The following SLC35F3 variants were observed in gnomAD, a reference collection of about 807,000 sequenced individuals.
SLC35F3 encodes the protein putative thiamine transporter SLC35F3.
A neutral mutation model predicts 49.9 loss-of-function variants in SLC35F3; 25 were observed. The observed-to-expected ratio is 0.50, with a 90% CI of 0.37 to 0.70. The LOEUF (loss-of-function observed/expected upper bound fraction) is 0.70, where lower values mean the gene tolerates loss of function less well. Among genes scored for constraint, SLC35F3 ranks in the 30% least tolerant of loss-of-function variants. The pLI is 0.00. For synonymous variants in SLC35F3, 275 were observed against 265.4 expected (o/e 1.04, Z -0.35); for missense variants, 525 against 639.8 (o/e 0.82, Z 1.94).
At chr1:234,194,833 G>T (rs1411514555) in intron 2 of SLC35F3, among the ~76,000 whole-genome samples, 2 of 151,914 alleles carry the variant, frequency 1.3e-5, no homozygotes, top group Non-Finnish European at 2.9e-5. Flanking sequence ...TTCAAACATG[G>T]GTTTTTAACC....
intron 2 of SLC35F3, among the ~76,000 whole-genome samples, chr1:234,020,077 A>G (rs565237375): frequency 2.6e-5 from 4 of 151,052 alleles, no homozygotes; most frequent in Admixed American, 6.6e-5. Flanking sequence ...ATGAGACTCT[A>G]TGTTACTAGG....
chr1:234,262,474 C>T (rs949659960), intron 3 of SLC35F3, among the ~76,000 whole-genome samples: 6 of 152,314 alleles, frequency 3.9e-5, no homozygotes, highest in Middle Eastern at 3.4e-3. Flanking sequence ...GGTGTCTGTC[C>T]TGGGAGTGGT....
chr1:233,959,102 G>T (rs1038611826), intron 2 of SLC35F3, among the ~76,000 whole-genome samples: 1 of 152,086 alleles, frequency 6.6e-6, no homozygotes, highest in Non-Finnish European at 1.5e-5. Flanking sequence ...TATTTTAATC[G>T]CTTATGGAAT....
At chr1:234,296,314 T>C (rs1271921805) in intron 3 of SLC35F3, among the ~76,000 whole-genome samples, 1 of 151,390 alleles carries the variant, frequency 6.6e-6, no homozygotes, top group Non-Finnish European at 1.5e-5. Flanking sequence ...GTCTTTCTGC[T>C]TCAAAAAAAA....
intron 3 of SLC35F3, among the ~76,000 whole-genome samples, chr1:234,275,840 G>T (rs967897628): frequency 5.9e-5 from 9 of 151,664 alleles, no homozygotes; most frequent in Non-Finnish European, 1.3e-4. Flanking sequence ...ATTAATATGT[G>T]CCAGGTACTA....
chr1:234,297,907 T>C (rs1668630040), intron 3 of SLC35F3, among the ~76,000 whole-genome samples: 1 of 152,206 alleles, frequency 6.6e-6, no homozygotes, highest in Admixed American at 6.5e-5. Context: ...AGAGTGCCTA[T>C]AGCTACTCAT....
At chr1:234,036,079 T>A (rs1664137187) in intron 2 of SLC35F3, among the ~76,000 whole-genome samples, 1 of 152,130 alleles carries the variant, frequency 6.6e-6, no homozygotes, top group African/African-American at 2.4e-5. Flanking sequence ...TGGGTTTGTT[T>A]GTTCATTCAT....
chr1:234,206,506 G>GT (rs1345338732), intron 2 of SLC35F3, among the ~76,000 whole-genome samples: 2 of 129,978 alleles, frequency 1.5e-5, no homozygotes, highest in African/African-American at 5.6e-5. Flanking sequence ...CCCGGGGGGG[G>GT]GCTATTTCCA....
intron 2 of SLC35F3, among the ~76,000 whole-genome samples, chr1:234,004,443 A>G (rs2102834173): frequency 6.6e-6 from 1 of 152,278 alleles, no homozygotes; most frequent in African/African-American, 2.4e-5. Context: ...ATATAGATAT[A>G]AAAGTATTTT....
At position 234,316,672 on chromosome 1, in the gene SLC35F3, C is replaced by A; in HGVS notation, c.899C>A (p.Ser300Tyr). 1 of 1,613,366 alleles carries A rather than the reference C, an allele frequency of 6.2e-7. No individual in the cohort carries two copies. ...TACGCTGATGGCTTCCACAGCCACT[C>A]CGTCATCGGCATCGCACTGGTGGTG... is the stretch of plus-strand genomic sequence containing the variant. ...MTYADGFHSH[S>Y]VIGIALVVAS... Residue 300 changes from serine (S) to tyrosine (Y), a missense_variant, in exon 5 of 8, where the codon TCC becomes TAC. Transcript: ENST00000366618.
At chr1:234,081,711 CT>C (rs1395200561) in intron 2 of SLC35F3, among the ~76,000 whole-genome samples, 1 of 151,598 alleles carries the variant, frequency 6.6e-6, no homozygotes, top group Non-Finnish European at 1.5e-5. Context: ...GTGTGGACCC[CT>C]GGGGCAAGCT....
At chr1:234,295,624 G>C (rs563095967) in intron 3 of SLC35F3, among the ~76,000 whole-genome samples, 2 of 152,218 alleles carry the variant, frequency 1.3e-5, no homozygotes, top group African/African-American at 4.8e-5. Context: ...AATGTGGTGT[G>C]GGGGTACAAA....
intron 2 of SLC35F3, among the ~76,000 whole-genome samples, chr1:234,044,900 G>A (rs532439139): frequency 6.6e-6 from 1 of 152,116 alleles, no homozygotes; most frequent in African/African-American, 2.4e-5. Context: ...GAGAGTCAGA[G>A]CCCAGTCTCT....
rs1558240416 is a variant in SLC35F3 at position 234,140,664 on chromosome 1, CAGG to C, written c.284-90752_284-90750del. 3.9e-5 allele frequency among the ~76,000 whole-genome samples: 6 copies of C among 152,108 alleles called. No individual in the cohort carries two copies. The South Asian group carries it at 1.2e-3, about 32-fold the overall frequency. On this transcript the variant is annotated intron_variant, in intron 2 of 7. Transcript: ENST00000366618. ...AGTTCAGAAACGGCAGACGAACACT[CAGG>C]GGGATGCTCATAATAAAAATTCGGC... is the stretch of plus-strand genomic sequence containing the variant.
chr1:234,278,966 G>A (rs1668260332), intron 3 of SLC35F3, among the ~76,000 whole-genome samples: 2 of 151,792 alleles, frequency 1.3e-5, no homozygotes, highest in Admixed American at 1.3e-4. Context: ...AATTTAGGAA[G>A]TTTATTTTGC....
At chr1:233,998,364 G>A (rs574147419) in intron 2 of SLC35F3, among the ~76,000 whole-genome samples, 7 of 151,552 alleles carry the variant, frequency 4.6e-5, no homozygotes, top group Non-Finnish European at 7.4e-5. Flanking sequence ...CTTCCTCTAC[G>A]TAGCTATAAA....
intron 5 of SLC35F3, among the ~76,000 whole-genome samples, chr1:234,317,763 C>T (rs1657525623): frequency 6.6e-6 from 1 of 152,206 alleles, no homozygotes; most frequent in Admixed American, 6.5e-5. Flanking sequence ...CTCTGAGACT[C>T]TAGCAACTGT....
chr1:233,942,732 A>G (rs1662449142), intron 2 of SLC35F3, among the ~76,000 whole-genome samples: 1 of 152,138 alleles, frequency 6.6e-6, no homozygotes. Flanking sequence ...CCTTTTAACA[A>G]ATGTTTAAGT....
intron 3 of SLC35F3, among the ~76,000 whole-genome samples, chr1:234,252,337 T>C (rs1240375931): frequency 1.3e-5 from 2 of 152,184 alleles, no homozygotes; most frequent in Non-Finnish European, 2.9e-5. Flanking sequence ...TCCAAAGTGC[T>C]GGGATTATAG....
Sources: gnomAD v4.1 joint callset for allele counts (sites outside exome capture counted in the v4.1 genomes callset) on GRCh38, gnomAD v4.1.1 for gene constraint, MANE v1.5 for transcripts, NCBI Gene and HGNC (gene_info 2026-07-23, HGNC 2026-07-21) for gene names.